ATXN1: variants seen among roughly 807,000 people sequenced by gnomAD.
The protein encoded by ATXN1 is ataxin-1.
A neutral mutation model predicts 56.4 loss-of-function variants in ATXN1; 8 were observed. The ratio of observed to expected loss-of-function variants is 0.14; its 90% CI spans 0.08 to 0.26. ATXN1 has a LOEUF of 0.26. ATXN1 is among the 10% of genes least tolerant of loss of function. ATXN1 has a pLI of 1.00. For missense variants in ATXN1, 987 were observed against 1,106.5 expected, an observed-to-expected ratio of 0.89 and a Z score of 1.53; for synonymous variants, 514 against 494.6, an observed-to-expected ratio of 1.04 and a Z score of -0.52.
In ATXN1 at chr6:16,439,812, GCCTGTAATC is replaced by G. The variant is rs1485384721; in HGVS notation, c.-161+46151_-161+46159del. 2.6e-5 allele frequency among the ~76,000 whole-genome samples: 4 copies of G among 152,290 alleles called. No homozygotes were observed. In the East Asian group the frequency reaches 7.7e-4, roughly 29 times the overall value. ...AGTGGGGCCAGGCACAGTGGCTCAC[GCCTGTAATC>G]CCAGCACTTTTGGGAGGCTGAAGTG... is the stretch of plus-strand genomic sequence containing the variant. On this transcript the variant is annotated intron_variant, in intron 6 of 7. Transcript: ENST00000436367.
chr6:16,718,132 T>C (rs1373501177), intron 2 of ATXN1, among the ~76,000 whole-genome samples: 1 of 152,204 alleles, frequency 6.6e-6, no homozygotes, highest in East Asian at 1.9e-4. Flanking sequence ...CTTTAAAAAA[T>C]CTAAATCATA....
intron 6 of ATXN1, among the ~76,000 whole-genome samples, chr6:16,342,895 T>G (rs61267105): frequency 0.027 from 4,043 of 152,306 alleles, 156 homozygotes; most frequent in African/African-American, 0.091. Flanking sequence ...TGTTTAACGG[T>G]TCCAGAATTT....
At chr6:16,662,907 T>A (rs1258476090) in intron 2 of ATXN1, among the ~76,000 whole-genome samples, 1 of 152,058 alleles carries the variant, frequency 6.6e-6, no homozygotes, top group African/African-American at 2.4e-5. Context: ...TCCCTGAAAC[T>A]ACTCAGTGGT....
At chr6:16,672,568 C>A (rs533160758) in intron 2 of ATXN1, among the ~76,000 whole-genome samples, 2 of 152,118 alleles carry the variant, frequency 1.3e-5, no homozygotes, top group South Asian at 4.2e-4. Flanking sequence ...ACAGGTGGGT[C>A]CAATGTAATC....
intron 4 of ATXN1, among the ~76,000 whole-genome samples, chr6:16,525,921 A>T (rs1314966683): frequency 2.0e-5 from 3 of 151,468 alleles, no homozygotes; most frequent in Non-Finnish European, 2.9e-5. Flanking sequence ...AAACCCAAGT[A>T]ATACAAATCC....
chr6:16,424,894 G>A (rs1319419274), intron 6 of ATXN1, among the ~76,000 whole-genome samples: 1 of 152,208 alleles, frequency 6.6e-6, no homozygotes, highest in Non-Finnish European at 1.5e-5. Flanking sequence ...TGTTGGTGTT[G>A]CGTCTCCTCT....
intron 4 of ATXN1, among the ~76,000 whole-genome samples, chr6:16,556,850 T>C (rs1463980937): frequency 6.6e-6 from 1 of 152,240 alleles, no homozygotes; most frequent in African/African-American, 2.4e-5. Context: ...TGCTATGATC[T>C]GAGCAAGTCA....
intron 4 of ATXN1, among the ~76,000 whole-genome samples, chr6:16,561,071 G>C (rs909820323): frequency 2.6e-5 from 4 of 152,006 alleles, no homozygotes; most frequent in African/African-American, 4.8e-5. Flanking sequence ...AAAATAAAAA[G>C]AATTTTATGA....
intron 5 of ATXN1, among the ~76,000 whole-genome samples, chr6:16,501,801 A>G (rs1279122945): frequency 6.6e-6 from 1 of 152,142 alleles, no homozygotes; most frequent in Non-Finnish European, 1.5e-5. Flanking sequence ...ATGTGTCTTT[A>G]TAACAGAATG....
intron 6 of ATXN1, among the ~76,000 whole-genome samples, chr6:16,466,054 T>C (rs928230865): frequency 1.3e-5 from 2 of 152,126 alleles, no homozygotes; most frequent in Non-Finnish European, 2.9e-5. Context: ...CGGTGGCTCA[T>C]GCCTGTAATC....
intron 2 of ATXN1, among the ~76,000 whole-genome samples, chr6:16,719,643 G>T (rs1248428351): frequency 6.6e-6 from 1 of 152,164 alleles, no homozygotes; most frequent in African/African-American, 2.4e-5. Flanking sequence ...TCTCCGGATG[G>T]TCACATCCCA....
At chr6:16,623,254 C>T (rs1763351006) in intron 3 of ATXN1, among the ~76,000 whole-genome samples, 1 of 152,110 alleles carries the variant, frequency 6.6e-6, no homozygotes, top group Non-Finnish European at 1.5e-5. Flanking sequence ...AGGGTATACA[C>T]ATTTGTTTTT....
chr6:16,336,160 A>G (rs77916869), intron 6 of ATXN1, among the ~76,000 whole-genome samples: 1,769 of 152,324 alleles, frequency 0.012, 17 homozygotes, highest in Non-Finnish European at 0.021. Flanking sequence ...TTTTCCAGAT[A>G]AGGACACTGA....
In ATXN1 at chr6:16,304,080, A is replaced by AC. The variant is rs1159320640; in HGVS notation, c.*2248dup. On this transcript the variant is annotated 3_prime_UTR_variant, in exon 8 of 8. Coordinates refer to ENST00000436367, the MANE Select transcript of ATXN1 (RefSeq NM_001128164.2). ...AAACCTATTCAAATGTTTTTGGTAC[A>AC]CCCCAGAAAACGGTTTATAAAAATC... 6.6e-6 allele frequency: 1 copy of AC among 152,302 alleles called. No individual in the cohort carries two copies. Among genetic ancestry groups the AC allele is most frequent in the Non-Finnish European group, 1.5e-5 (1 of 68,040 alleles). The allele number at this position is 152,302 out of a possible 1,614,324, so 9.4% of individuals were successfully genotyped here.
chr6:16,610,573 A>G (rs1763086661), intron 3 of ATXN1, among the ~76,000 whole-genome samples: 1 of 152,148 alleles, frequency 6.6e-6, no homozygotes, highest in Non-Finnish European at 1.5e-5. Flanking sequence ...CTACTAAGGT[A>G]TGAGAGTTAA....
In ATXN1 at chr6:16,360,940, C is replaced by T. The variant is rs143913910; in HGVS notation, c.-160-32470G>A. Among the ~76,000 whole-genome samples the T allele has an allele frequency of 3.4e-4, 52 of 152,244 alleles. No homozygotes were observed. The East Asian group carries it at 8.3e-3, about 24-fold the overall frequency. On this transcript the variant is annotated intron_variant, in intron 6 of 7. Transcript: ENST00000436367. ...TTGTAAGGAATAACACAAGGTAAGA[C>T]GCCTGAAACTAGCAAGTGAGAAAGT...
intron 2 of ATXN1, among the ~76,000 whole-genome samples, chr6:16,727,782 C>T (rs946515813): frequency 4.6e-5 from 7 of 152,052 alleles, no homozygotes; most frequent in African/African-American, 1.5e-4. Context: ...TCCACAAATT[C>T]GGACTATAAA....
Position 16,300,534 on chromosome 6 carries a change from A to G in ATXN1, c.*5795T>C, listed in dbSNP as rs1760058924. On this transcript the variant is annotated 3_prime_UTR_variant, in exon 8 of 8. Coordinates refer to ENST00000436367, the MANE Select transcript of ATXN1 (RefSeq NM_001128164.2). ...TGGACAGGAATACTATTCTGAGAAG[A>G]TGCTCCGTATTTATTCTGGCCTCTT... 1 of 152,304 alleles carries G rather than the reference A, an allele frequency of 6.6e-6. No individual in the cohort carries two copies. Among genetic ancestry groups the G allele is most frequent in the South Asian group, 2.1e-4 (1 of 4,818 alleles). 9.4% of individuals were successfully genotyped at this position (152,304 alleles called of 1,614,324 possible).
chr6:16,459,039 GA>G (rs1759938658), intron 6 of ATXN1, among the ~76,000 whole-genome samples: 1 of 152,186 alleles, frequency 6.6e-6, no homozygotes, highest in South Asian at 2.1e-4. Flanking sequence ...ACCATCCAAG[GA>G]ATCCTGGGAC....
Sources: gnomAD v4.1 joint callset for allele counts (sites outside exome capture counted in the v4.1 genomes callset) on GRCh38, gnomAD v4.1.1 for gene constraint, MANE v1.5 for transcripts, NCBI Gene and HGNC (gene_info 2026-07-23, HGNC 2026-07-21) for gene names.